Variants in KLHDC4 observed in about 807,000 individuals in gnomAD.
The protein encoded by KLHDC4 is kelch domain-containing protein 4.
KLHDC4 carries 90 observed loss-of-function variants against 62.4 expected under a neutral mutation model. That is an observed-to-expected ratio of 1.44 (90% CI 1.22 to 1.72). KLHDC4 has a LOEUF of 1.72. Ranked by LOEUF, KLHDC4 falls within the 40% of genes most tolerant of loss-of-function variation. The pLI, the probability that KLHDC4 is intolerant of heterozygous loss-of-function variation, is 0.00. For missense variants in KLHDC4, 1,025 were observed against 699.7 expected, an observed-to-expected ratio of 1.47 and a Z score of -5.25; for synonymous variants, 386 against 284.4, an observed-to-expected ratio of 1.36 and a Z score of -3.59.
At chr16:87,743,157 G>C (rs1281427362) in intron 5 of KLHDC4, 1 of 152,284 alleles carries the variant, frequency 6.6e-6, no homozygotes, top group Non-Finnish European at 1.5e-5. Context: ...CCAGGTTGCA[G>C]TACAGTGATG....
intron 5 of KLHDC4, among the ~76,000 whole-genome samples, chr16:87,736,890 C>G (rs1045736066): frequency 2.0e-5 from 3 of 151,770 alleles, no homozygotes; most frequent in Non-Finnish European, 4.4e-5. Context: ...TTTGGGAGGC[C>G]GAGGTGGGTG....
exon 1 of KLHDC4, chr16:87,700,916 C>A: frequency 3.9e-6 from 1 of 256,898 alleles, no homozygotes. Context: ...AGGAGTCAGT[C>A]AACTCAGGCA....
At chr16:87,742,258 A>G (rs556424587) in intron 5 of KLHDC4, among the ~76,000 whole-genome samples, 1 of 152,120 alleles carries the variant, frequency 6.6e-6, no homozygotes, top group Middle Eastern at 3.2e-3. Context: ...TGCACCCTTC[A>G]GTCCCCTGTA....
intron 5 of KLHDC4, among the ~76,000 whole-genome samples, chr16:87,735,696 C>A (rs991536128): frequency 1.3e-5 from 2 of 152,242 alleles, no homozygotes; most frequent in African/African-American, 4.8e-5. Flanking sequence ...CAACAGGCTT[C>A]TCAAAACTGC....
intron 2 of KLHDC4, among the ~76,000 whole-genome samples, chr16:87,757,042 G>T (rs11864518): frequency 0.7 from 106,256 of 151,642 alleles, 38,930 homozygotes; most frequent in African/African-American, 0.91. Flanking sequence ...CTCAAACTCC[G>T]GACCTCAAGT....
At chr16:87,718,457 T>G (rs1053559316) in intron 7 of KLHDC4, among the ~76,000 whole-genome samples, 1 of 150,594 alleles carries the variant, frequency 6.6e-6, no homozygotes, top group Non-Finnish European at 1.5e-5. Context: ...CTCGGCTCAC[T>G]GCAACCTCCC....
At chr16:87,716,158 G>A (rs376784130) in intron 7 of KLHDC4, among the ~76,000 whole-genome samples, 53 of 147,238 alleles carry the variant, frequency 3.6e-4, no homozygotes, top group African/African-American at 1.2e-3. Context: ...TTGGGTACGC[G>A]CTATGTCTCG....
rs866486749 is a variant in KLHDC4, at chr16:87,748,794, G to A, written c.385C>T (p.Gln129Ter). ...RCAHQAVVVP[Q>*]GGGQLWVFGG... ...AAGACCCACAGCTGTCCGCCACCTT[G>A]AGGCACTACCACCGCCTGTGAAAAG... Residue 129 changes from glutamine (Q) to a stop codon, truncating the protein, a stop_gained, in exon 5 of 12, where the codon CAA becomes TAA. Coordinates refer to ENST00000270583, the MANE Select transcript of KLHDC4 (RefSeq NM_017566.4). LOFTEE classifies it high-confidence loss of function. 1.2e-6 allele frequency: 2 copies of A among 1,612,596 alleles called. No individual in the cohort carries two copies. Among genetic ancestry groups the A allele is most frequent in the Non-Finnish European group, 8.5e-7 (1 of 1,179,702 alleles).
chr16:87,747,857 G>A (rs548092311), intron 5 of KLHDC4, among the ~76,000 whole-genome samples: 18 of 152,200 alleles, frequency 1.2e-4, no homozygotes, highest in Non-Finnish European at 2.4e-4. Context: ...GCTGCCCTCC[G>A]GCTGAAGCCC....
chr16:87,711,138 G>C, intron 9 of KLHDC4, 97 bp downstream of exon 9: 1 of 1,300,550 alleles, frequency 7.7e-7, no homozygotes, highest in Non-Finnish European at 1.1e-6. Context: ...GGGCTTTGGG[G>C]GCCCCAATAC....
chr16:87,737,089 T>A (rs189602209), intron 5 of KLHDC4, among the ~76,000 whole-genome samples: 92 of 111,116 alleles, frequency 8.3e-4, no homozygotes, highest in African/African-American at 3.1e-3. Context: ...GGCGCCTTTG[T>A]ACTCCAGCCT....
At chr16:87,759,044 G>A (rs774859739) in intron 2 of KLHDC4, among the ~76,000 whole-genome samples, 1 of 152,002 alleles carries the variant, frequency 6.6e-6, no homozygotes, top group Non-Finnish European at 1.5e-5. Context: ...GCATGGTGGC[G>A]CATGCCTGTA....
At chr16:87,737,106 CAAAAAAAAAAA>C (rs55787836) in intron 5 of KLHDC4, among the ~76,000 whole-genome samples, 3 of 64,824 alleles carry the variant, frequency 4.6e-5, no homozygotes, top group Non-Finnish European at 8.4e-5. Context: ...GCCTGGGCGA[CAAAAAAAAAAA>C]AAAAAAAAAA....
At chr16:87,724,900 C>T (rs1034632674) in intron 7 of KLHDC4, among the ~76,000 whole-genome samples, 1 of 152,232 alleles carries the variant, frequency 6.6e-6, no homozygotes, top group Non-Finnish European at 1.5e-5. Flanking sequence ...CTCATAGCAG[C>T]TTCAGTCACA....
intron 5 of KLHDC4, among the ~76,000 whole-genome samples, chr16:87,743,950 C>T (rs971115371): frequency 2.0e-5 from 3 of 151,822 alleles, no homozygotes; most frequent in East Asian, 2.0e-4. Flanking sequence ...TATCAGCAAA[C>T]GCAATCCAGT....
At chr16:87,722,827 G>T (rs1039667358) in intron 7 of KLHDC4, among the ~76,000 whole-genome samples, 1 of 152,268 alleles carries the variant, frequency 6.6e-6, no homozygotes, top group African/African-American at 2.4e-5. Flanking sequence ...GGTCTGGCAG[G>T]AGAGTGCAGT....
intron 5 of KLHDC4, among the ~76,000 whole-genome samples, chr16:87,744,514 T>C (rs1597277097): frequency 6.8e-6 from 1 of 147,842 alleles, no homozygotes; most frequent in African/African-American, 2.5e-5. Context: ...ACCAGCGAGG[T>C]GGAGGTTGTA....
chr16:87,714,191 G>A (rs978861130), intron 8 of KLHDC4, among the ~76,000 whole-genome samples: 22 of 152,296 alleles, frequency 1.4e-4, no homozygotes, highest in African/African-American at 5.3e-4. Flanking sequence ...CCTTGGAGGG[G>A]CCCATCAGGA....
At chr16:87,716,237 G>A (rs1440651706) in intron 7 of KLHDC4, among the ~76,000 whole-genome samples, 1 of 150,996 alleles carries the variant, frequency 6.6e-6, no homozygotes, top group African/African-American at 2.4e-5. Context: ...TTGGGTACGC[G>A]CTATGTCTCG....
Sources: allele counts gnomAD v4.1 joint callset (sites outside exome capture counted in the v4.1 genomes callset), GRCh38; gene constraint gnomAD v4.1.1; transcripts MANE v1.5; gene names NCBI Gene and HGNC (gene_info 2026-07-23, HGNC 2026-07-21).